APPBP2: variants seen among roughly 807,000 people sequenced by gnomAD.
APPBP2 encodes the protein amyloid beta precursor protein binding protein 2.
APPBP2 carries 15 observed loss-of-function variants against 76.0 expected under a neutral mutation model. That is an observed-to-expected ratio of 0.20 (90% confidence interval 0.13 to 0.30). The LOEUF is 0.30. APPBP2 is among the 10% of genes least tolerant of loss of function. The probability of loss-of-function intolerance (pLI) is 1.00; values close to 1 mark genes in which losing one functional copy is unlikely to be tolerated. For synonymous variants in APPBP2, 222 were observed against 242.2 expected, an observed-to-expected ratio of 0.92 and a Z score of 0.77; for missense variants, 401 against 687.2, an observed-to-expected ratio of 0.58 and a Z score of 4.66.
At chr17:60,452,556 T>C (rs1466988954) in intron 11 of APPBP2, among the ~76,000 whole-genome samples, 2 of 152,200 alleles carry the variant, frequency 1.3e-5, no homozygotes, top group Non-Finnish European at 2.9e-5. Flanking sequence ...AATTGAGGGA[T>C]ATACAGGTTG....
chr17:60,494,358 A>C, intron 3 of APPBP2, 108 bp downstream of exon 3: 2 of 1,251,844 alleles, frequency 1.6e-6, no homozygotes, highest in Non-Finnish European at 2.2e-6. Context: ...TGTTCTTCTC[A>C]TAACCTTCTT....
chr17:60,494,973 TG>T (rs2090761818), intron 2 of APPBP2, among the ~76,000 whole-genome samples: 1 of 129,020 alleles, frequency 7.8e-6, no homozygotes, highest in African/African-American at 4.7e-5. Flanking sequence ...GAGTTTTTTT[TG>T]TTTTGTTTTG....
intron 3 of APPBP2, among the ~76,000 whole-genome samples, chr17:60,488,970 C>T (rs1231786619): frequency 6.6e-6 from 1 of 151,916 alleles, no homozygotes; most frequent in East Asian, 1.9e-4. Flanking sequence ...TGCCTGTAAT[C>T]CCAGCACTTT....
rs1426430726 is a variant in APPBP2 at position 60,466,311 on chromosome 17, C to A, written c.652G>T (p.Ala218Ser). ...CTTACCTCATCATAGTGACTTTTTG[C>A]AAATAGGAGTGCACACAGTTCTCCA... ...LYGELCALLF[A>S]KSHYDEAYKW... The change falls in exon 5 of 13, where the codon GCA (alanine) becomes TCA (serine). Residue 218 changes from alanine to serine, a missense_variant. This residue lies in a region of APPBP2 where 64 missense variants were observed against 72.9 expected (regional missense o/e 0.88). Transcript: ENST00000083182. 4.3e-6 allele frequency: 7 copies of A among 1,612,804 alleles called. No homozygotes were observed. The highest frequency in any genetic ancestry group is 5.9e-6 in the Non-Finnish European group (7 of 1,179,642).
chr17:60,476,708 G>A (rs2090593650), intron 4 of APPBP2, among the ~76,000 whole-genome samples: 1 of 152,086 alleles, frequency 6.6e-6, no homozygotes. Flanking sequence ...ACATGTGCTT[G>A]CTAAAAAGAC....
chr17:60,462,336 A>G, intron 6 of APPBP2: 1 of 320,852 alleles, frequency 3.1e-6, no homozygotes, highest in Non-Finnish European at 5.6e-6. Flanking sequence ...CAAAGCTGGT[A>G]TACCCCCATT....
intron 11 of APPBP2, among the ~76,000 whole-genome samples, chr17:60,452,739 G>C (rs2090404434): frequency 6.6e-6 from 1 of 152,046 alleles, no homozygotes; most frequent in Non-Finnish European, 1.5e-5. Context: ...TGGGCAACAG[G>C]GCTGGGCAAT....
chr17:60,469,926 T>C (rs1296043742), intron 4 of APPBP2, among the ~76,000 whole-genome samples: 1 of 152,002 alleles, frequency 6.6e-6, no homozygotes, highest in Non-Finnish European at 1.5e-5. Flanking sequence ...AGTAATTCTA[T>C]GTTTAGCTTT....
chr17:60,502,621 AG>A (rs1348616281), intron 1 of APPBP2, among the ~76,000 whole-genome samples: 5 of 146,598 alleles, frequency 3.4e-5, no homozygotes, highest in East Asian at 1.9e-4. Flanking sequence ...TGGGAGGCCA[AG>A]GGGGGGTGGA....
At chr17:60,484,733 C>A (rs1462602919) in intron 3 of APPBP2, among the ~76,000 whole-genome samples, 2 of 152,122 alleles carry the variant, frequency 1.3e-5, no homozygotes, top group Admixed American at 6.6e-5. Flanking sequence ...CCTTGCCTGA[C>A]CGCCCTGGCC....
chr17:60,511,569 G>T (rs977978738), intron 1 of APPBP2, among the ~76,000 whole-genome samples: 4 of 145,318 alleles, frequency 2.8e-5, no homozygotes, highest in African/African-American at 7.9e-5. Context: ...TGGCGACAGA[G>T]CAAGACTCCA....
Position 60,461,987 on chromosome 17 carries a change from C to T in APPBP2, c.830+7G>A. 6.2e-7 allele frequency: 1 copy of T among 1,612,012 alleles called. No homozygotes were observed. Among genetic ancestry groups the T allele is most frequent in the Non-Finnish European group, 8.5e-7 (1 of 1,178,294 alleles). On this transcript the variant is annotated splice_region_variant and intron_variant, in intron 7 of 12. Coordinates refer to ENST00000083182, the MANE Select transcript of APPBP2 (RefSeq NM_006380.5). Reference sequence around the variant, plus strand: ...TTAAAAGGATATTTTTAATAATAATCACCTACCGTGCCAAATACACTGCAT... The same window carrying T: ...TTAAAAGGATATTTTTAATAATAATTACCTACCGTGCCAAATACACTGCAT...
intron 1 of APPBP2, among the ~76,000 whole-genome samples, chr17:60,508,623 A>G (rs984934605): frequency 1.3e-5 from 2 of 152,136 alleles, no homozygotes; most frequent in Non-Finnish European, 2.9e-5. Context: ...CTACCTGCCT[A>G]AAGAAGTCTA....
intron 1 of APPBP2, among the ~76,000 whole-genome samples, chr17:60,509,395 T>C (rs1281278865): frequency 6.6e-6 from 1 of 150,488 alleles, no homozygotes; most frequent in Non-Finnish European, 1.5e-5. Flanking sequence ...AAAAAAAACA[T>C]GTTTGAAACA....
chr17:60,447,854 G>GA lies in APPBP2; in HGVS notation c.1505-21_1505-20insT, dbSNP rs2090362105. On this transcript the variant is annotated intron_variant, in intron 12 of 12. Transcript: ENST00000083182. ...TCTTCCCTGTAACAAAAAAGAAAAAGGAAAAAAAAAAAAGCACAAATAATG... is the reference window on the plus strand; with the variant it reads ...TCTTCCCTGTAACAAAAAAGAAAAAGAGAAAAAAAAAAAAGCACAAATAATG... 5 of 1,488,374 alleles carry GA rather than the reference G, an allele frequency of 3.4e-6. No homozygotes were observed. Among genetic ancestry groups the GA allele is most frequent in the East Asian group, 2.4e-5 (1 of 41,316 alleles). 92.2% of individuals were successfully genotyped at this position (1,488,374 alleles called of 1,614,324 possible). A position where few individuals can be genotyped will look rare whatever the true frequency, so the allele number is the denominator to read the frequency against.
At chr17:60,449,419 T>G (rs561925081) in intron 12 of APPBP2, among the ~76,000 whole-genome samples, 2 of 152,156 alleles carry the variant, frequency 1.3e-5, no homozygotes, top group African/African-American at 4.8e-5. Context: ...CGGCAAAACC[T>G]TGCCTCTACT....
At chr17:60,520,824 AC>A (rs1431802746) in intron 1 of APPBP2, among the ~76,000 whole-genome samples, 1 of 152,098 alleles carries the variant, frequency 6.6e-6, no homozygotes, top group Admixed American at 6.6e-5. Context: ...AGCCTCCCGA[AC>A]TGTTGGGATT....
At chr17:60,477,800 C>CAAAA (rs1177773203) in intron 4 of APPBP2, among the ~76,000 whole-genome samples, 1 of 66,844 alleles carries the variant, frequency 1.5e-5, no homozygotes, top group African/African-American at 4.5e-5. Flanking sequence ...TCCAACTGGC[C>CAAAA]AAAAAAAAAA....
At position 60,525,417 on chromosome 17, in the gene APPBP2, T is replaced by A. The variant is rs145472415; in HGVS notation, c.138+377A>T. On this transcript the variant is annotated intron_variant, in intron 1 of 12. Coordinates refer to ENST00000083182, the MANE Select transcript of APPBP2 (RefSeq NM_006380.5). ...GGAGGAGCACGGAAAAAAGTCCAGC[T>A]GATGCTGACACTTAATTGGAAGGAG... 1.2e-3 allele frequency among the ~76,000 whole-genome samples: 178 copies of A among 152,228 alleles called. 1 individual carries two copies. Among genetic ancestry groups the A allele is most frequent in the Non-Finnish European group, 2.3e-3 (156 of 68,010 alleles).
Sources: gnomAD v4.1 joint callset for allele counts (sites outside exome capture counted in the v4.1 genomes callset) on GRCh38, gnomAD v4.1.1 for gene constraint, gnomAD v4.1.1 regional missense constraint, MANE v1.5 for transcripts, NCBI Gene and HGNC (gene_info 2026-07-23, HGNC 2026-07-21) for gene names.